WDR1: variants seen among roughly 807,000 people sequenced by gnomAD.
The protein encoded by WDR1 is WD repeat-containing protein 1.
In WDR1, 21 loss-of-function variants were observed where a neutral mutation model predicts 71.9. The ratio of observed to expected loss-of-function variants is 0.29; its 90% CI spans 0.21 to 0.42. The LOEUF is 0.42. Ranked by LOEUF, WDR1 falls within the 10% of genes least tolerant of loss-of-function variation. The pLI is 1.00. For missense variants in WDR1, 696 were observed against 824.5 expected (o/e 0.84, Z 1.91); for synonymous variants, 424 against 347.4 (o/e 1.22, Z -2.45).
intron 10 of WDR1, 101 bp downstream of exon 10, chr4:10,082,921 G>C: frequency 2.1e-6 from 3 of 1,433,276 alleles, no homozygotes; most frequent in Non-Finnish European, 1.9e-6. Flanking sequence ...GATGAAAGGA[G>C]CAAGTGAGGC....
intron 9 of WDR1, chr4:10,083,658 A>C (rs373873388): frequency 8.4e-6 from 4 of 476,968 alleles, no homozygotes; most frequent in East Asian, 6.5e-5. Context: ...CACGGTGCTC[A>C]GGGAGGGCAG....
chr4:10,116,462 TG>T, intron 1 of WDR1, 188 bp downstream of exon 1: 1 of 649,032 alleles, frequency 1.5e-6, no homozygotes, highest in South Asian at 2.6e-5. Context: ...GGCGCCAACT[TG>T]GGGGCGCACC....
At chr4:10,109,026 T>G (rs1421599912) in intron 2 of WDR1, among the ~76,000 whole-genome samples, 1 of 152,272 alleles carries the variant, frequency 6.6e-6, no homozygotes, top group Non-Finnish European at 1.5e-5. Flanking sequence ...GGCTGGAGCC[T>G]GGTAGCTGTT....
intron 9 of WDR1, 30 bp downstream of exon 9, chr4:10,084,413 C>T (rs368469509): frequency 1.2e-4 from 195 of 1,604,766 alleles, no homozygotes; most frequent in Non-Finnish European, 1.6e-4. Context: ...GCCAGCGGCT[C>T]CGGAGCCAGC....
chr4:10,094,873 T>A (rs1712227634), intron 5 of WDR1: 1 of 151,972 alleles, frequency 6.6e-6, no homozygotes, highest in African/African-American at 2.4e-5. Context: ...CATCATGGAG[T>A]TCTGCTTCAG....
intron 5 of WDR1, chr4:10,092,171 G>A (rs968910574): frequency 9.6e-6 from 1 of 103,646 alleles, no homozygotes; most frequent in Non-Finnish European, 2.3e-5. Flanking sequence ...GAGATGGCTG[G>A]GCCTGGCTGA....
intron 5 of WDR1, chr4:10,092,542 G>A (rs1443443157): frequency 1.2e-5 from 2 of 161,070 alleles, no homozygotes; most frequent in Non-Finnish European, 2.7e-5. Flanking sequence ...CCAGAACCCA[G>A]CAGGGGCAAG....
chr4:10,116,626 G>T (rs1325970193), intron 1 of WDR1, 25 bp downstream of exon 1: 2 of 1,228,734 alleles, frequency 1.6e-6, no homozygotes, highest in African/African-American at 1.6e-5. Context: ...GCGGCCGCTC[G>T]GGGGCCCCGC....
chr4:10,098,392 T>G (rs990437583), intron 4 of WDR1, among the ~76,000 whole-genome samples: 5 of 152,172 alleles, frequency 3.3e-5, no homozygotes, highest in African/African-American at 1.2e-4. Flanking sequence ...TGCCATTCAG[T>G]GAAGAACAGA....
chr4:10,116,292 GA>G, intron 1 of WDR1, 58 bp from the exon 2 acceptor site: 1 of 1,608,346 alleles, frequency 6.2e-7, no homozygotes, highest in East Asian at 2.2e-5. Flanking sequence ...GGCGGGGACA[GA>G]AGGGAGAAGG....
intron 2 of WDR1, among the ~76,000 whole-genome samples, chr4:10,111,596 G>A (rs1193991168): frequency 6.6e-6 from 1 of 152,174 alleles, no homozygotes; most frequent in Non-Finnish European, 1.5e-5. Flanking sequence ...CCTCCATCCT[G>A]CACCCCCACA....
At chr4:10,082,494 T>TA (rs1419434923) in intron 10 of WDR1, among the ~76,000 whole-genome samples, 1 of 152,182 alleles carries the variant, frequency 6.6e-6, no homozygotes, top group Non-Finnish European at 1.5e-5. Context: ...GGACTTCAGA[T>TA]CACTTGCAAA....
chr4:10,080,599 G>C (rs191164785), intron 11 of WDR1, among the ~76,000 whole-genome samples: 1 of 152,244 alleles, frequency 6.6e-6, no homozygotes, highest in Non-Finnish European at 1.5e-5. Context: ...AGCAGGGCTC[G>C]CCACTCGTGC....
At position 10,083,312 on chromosome 4, in the gene WDR1, G is replaced by A. The variant is rs950736370; in HGVS notation, c.1040-134C>T. 3.5e-6 allele frequency: 4 copies of A among 1,159,238 alleles called. No individual in the cohort carries two copies. In the African/African-American group the frequency reaches 4.7e-5, roughly 14 times the overall value. 71.8% of individuals were successfully genotyped at this position (1,159,238 alleles called of 1,614,324 possible). ...AAACGGACATAACCATTCCCCCTGGGAAGCCTGCAGTGTCCACTGTTGACA... is the reference window on the plus strand; with the variant it reads ...AAACGGACATAACCATTCCCCCTGGAAAGCCTGCAGTGTCCACTGTTGACA... On this transcript the variant is annotated intron_variant, in intron 9 of 14. Transcript: ENST00000499869.
At chr4:10,115,049 T>C (rs1399741265) in intron 2 of WDR1, among the ~76,000 whole-genome samples, 2 of 152,152 alleles carry the variant, frequency 1.3e-5, no homozygotes, top group African/African-American at 4.8e-5. Flanking sequence ...CGATCAACAG[T>C]CCCAACCTAC....
rs540919017 is a variant in WDR1 at position 10,083,081 on chromosome 4, G to A, written c.1137C>T (p.Leu379=). 5 of 1,613,884 alleles carry A rather than the reference G, an allele frequency of 3.1e-6. No homozygotes were observed. In the East Asian group the frequency reaches 8.9e-5, roughly 29 times the overall value. ...SRMTVDESGQ[L]ISCSMDDTVR... is the part of the protein sequence containing the mutation. ...CGGTGTCGTCCATGCTGCAGCTGATGAGCTGCCCCGACTCATCCACGGTCA... is the reference window on the plus strand; with the variant it reads ...CGGTGTCGTCCATGCTGCAGCTGATAAGCTGCCCCGACTCATCCACGGTCA... Residue 379 remains leucine (L), a synonymous_variant, in exon 10 of 15, where the codon CTC becomes CTT. Coordinates refer to ENST00000499869, the MANE Select transcript of WDR1 (RefSeq NM_017491.5).
chr4:10,096,689 C>T (rs1254917513), intron 5 of WDR1: 5 of 152,246 alleles, frequency 3.3e-5, no homozygotes, highest in Admixed American at 6.5e-5. Context: ...ATTTATGATT[C>T]ATGGCATGAT....
chr4:10,097,553 G>A (rs1029895447), intron 5 of WDR1, among the ~76,000 whole-genome samples, 158 bp downstream of exon 5: 7 of 152,248 alleles, frequency 4.6e-5, no homozygotes, highest in Admixed American at 6.5e-5. Context: ...GGGTGGGGGA[G>A]CCCTCCCTCT....
chr4:10,078,849 A>C (rs916581036), intron 12 of WDR1, 42 bp downstream of exon 12: 2 of 1,548,856 alleles, frequency 1.3e-6, no homozygotes, highest in African/African-American at 1.4e-5. Context: ...AATCACCCAG[A>C]TACCAAGGAC....
Sources: gnomAD v4.1 joint callset for allele counts (sites outside exome capture counted in the v4.1 genomes callset) on GRCh38, gnomAD v4.1.1 for gene constraint, MANE v1.5 for transcripts, NCBI Gene and HGNC (gene_info 2026-07-23, HGNC 2026-07-21) for gene names.